Variants in TMEM132B observed in about 807,000 individuals in gnomAD.
TMEM132B encodes transmembrane protein 132B.
In TMEM132B, 18 loss-of-function variants were observed where a neutral mutation model predicts 90.8. The ratio of observed to expected loss-of-function variants is 0.20; its 90% CI spans 0.14 to 0.29. The LOEUF is 0.29. Among genes scored for constraint, TMEM132B ranks in the 10% least tolerant of loss-of-function variants. TMEM132B has a pLI of 1.00. For synonymous variants in TMEM132B, 504 were observed against 523.3 expected (o/e 0.96, Z 0.50); for missense variants, 1,096 against 1,326.8 (o/e 0.83, Z 2.70).
At chr12:125,623,357 G>T (rs1593028238) in intron 5 of TMEM132B, among the ~76,000 whole-genome samples, 1 of 152,086 alleles carries the variant, frequency 6.6e-6, no homozygotes, top group Non-Finnish European at 1.5e-5. Flanking sequence ...GCAACATTTT[G>T]GTAACACTTG....
At position 125,654,236 on chromosome 12, in the gene TMEM132B, G is replaced by T; in HGVS notation, c.2778G>T (p.Ala926=). 1 of 1,614,160 alleles carries T rather than the reference G, an allele frequency of 6.2e-7. No individual in the cohort carries two copies. Among genetic ancestry groups the T allele is most frequent in the Non-Finnish European group, 8.5e-7 (1 of 1,180,052 alleles). ...TGGTCTTCTTGATCAACTGCGTGGCGTTTGCCTGGAAATACAGACACAAAA... is the reference window on the plus strand; with the variant it reads ...TGGTCTTCTTGATCAACTGCGTGGCTTTTGCCTGGAAATACAGACACAAAA... ...AILVFLINCV[A]FAWKYRHKRF... The change falls in exon 9 of 9, where the codon GCG becomes GCT. Residue 926 remains alanine (A), a synonymous_variant. Coordinates refer to ENST00000682704, the MANE Select transcript of TMEM132B (RefSeq NM_001366854.1). The surrounding 1 kb of genome is among the most constrained non-coding windows in gnomAD (Gnocchi z 5.8).
intron 8 of TMEM132B, among the ~76,000 whole-genome samples, 156 bp downstream of exon 8, chr12:125,652,788 A>G (rs1179953772): frequency 6.6e-6 from 1 of 152,196 alleles, no homozygotes; most frequent in Non-Finnish European, 1.5e-5. Context: ...TCTCTGAGAA[A>G]AGTATTCAGT....
chr12:125,579,856 T>G (rs1450410011), intron 4 of TMEM132B, among the ~76,000 whole-genome samples: 2 of 152,210 alleles, frequency 1.3e-5, no homozygotes, highest in Non-Finnish European at 2.9e-5. Flanking sequence ...CATAAGTTTT[T>G]TTTCAAAGCT....
intron 1 of TMEM132B, among the ~76,000 whole-genome samples, chr12:125,323,436 A>AAAAAACAAAAAC (rs146613789): frequency 6.6e-5 from 10 of 150,828 alleles, no homozygotes; most frequent in Admixed American, 2.0e-4. Context: ...ACTCTGCCTC[A>AAAAAACAAAAAC]AAAAACAAAA....
chr12:125,563,601 A>ACAAACAAACAAAC (rs1555258802), intron 4 of TMEM132B, among the ~76,000 whole-genome samples: 2 of 148,446 alleles, frequency 1.3e-5, no homozygotes, highest in Non-Finnish European at 3.0e-5. Flanking sequence ...AAACAAACAA[A>ACAAACAAACAAAC]AAAAAACCCC....
In TMEM132B at chr12:125,374,433, T is replaced by TA. The variant is rs373590043; in HGVS notation, c.959+24090_959+24091insA. 6.5e-3 allele frequency among the ~76,000 whole-genome samples: 654 copies of TA among 99,938 alleles called. 6 individuals carry two copies. The highest frequency in any genetic ancestry group is 0.044 in the African/African-American group (609 of 13,836). 65.6% of individuals were successfully genotyped at this position (99,938 alleles called of 152,430 possible). A position where few individuals can be genotyped will look rare whatever the true frequency, so the allele number is the denominator to read the frequency against. ...TCAACTCAGCTCACCCACAAACATG[T>TA]TTTTTTTTGTTTTTCCTTTGTTTAG... On this transcript the variant is annotated intron_variant, in intron 2 of 8. Transcript: ENST00000682704.
At chr12:125,368,565 G>A (rs550010834) in intron 2 of TMEM132B, among the ~76,000 whole-genome samples, 2 of 152,060 alleles carry the variant, frequency 1.3e-5, no homozygotes, top group African/African-American at 2.4e-5. Flanking sequence ...GCATGGATTT[G>A]CCCAGTGGGA....
intron 2 of TMEM132B, among the ~76,000 whole-genome samples, chr12:125,385,865 T>A (rs933447272): frequency 6.6e-6 from 1 of 152,246 alleles, no homozygotes; most frequent in African/African-American, 2.4e-5. Context: ...TTGCACTGAC[T>A]AGATAGTTCT....
chr12:125,611,031 T>G (rs913293138), intron 5 of TMEM132B, among the ~76,000 whole-genome samples: 1 of 152,048 alleles, frequency 6.6e-6, no homozygotes, highest in Non-Finnish European at 1.5e-5. Flanking sequence ...TCTTTGTAGG[T>G]TTTTCTTCTT....
intron 1 of TMEM132B, among the ~76,000 whole-genome samples, chr12:125,306,112 C>G (rs1875952647): frequency 6.6e-6 from 1 of 152,242 alleles, no homozygotes; most frequent in African/African-American, 2.4e-5. Flanking sequence ...CTTTGGTTGG[C>G]TGCCTGGTCC....
At chr12:125,651,084 G>T in intron 7 of TMEM132B, 131 bp downstream of exon 7, 2 of 1,249,646 alleles carry the variant, frequency 1.6e-6, no homozygotes, top group Non-Finnish European at 2.2e-6. Flanking sequence ...CACTGTGCAT[G>T]TATTGCCTCT....
At chr12:125,598,062 A>G in intron 5 of TMEM132B, among the ~76,000 whole-genome samples, 1 of 152,338 alleles carries the variant, frequency 6.6e-6, no homozygotes, top group East Asian at 1.9e-4. Context: ...CATGAATTGT[A>G]CAAGTAAAGC....
intron 4 of TMEM132B, among the ~76,000 whole-genome samples, chr12:125,576,306 G>A (rs575435459): frequency 3.9e-5 from 6 of 152,014 alleles, no homozygotes; most frequent in African/African-American, 1.4e-4. Flanking sequence ...TTGAGTTTTA[G>A]ATTTTCATCT....
chr12:125,474,332 G>C (rs1881814346), intron 3 of TMEM132B, among the ~76,000 whole-genome samples: 2 of 112,890 alleles, frequency 1.8e-5, no homozygotes, highest in Admixed American at 1.4e-4. Context: ...GTCTTGTTCT[G>C]TTGCCCAGGC....
intron 5 of TMEM132B, among the ~76,000 whole-genome samples, chr12:125,619,908 T>G (rs1886080192): frequency 6.6e-6 from 1 of 152,204 alleles, no homozygotes; most frequent in Admixed American, 6.5e-5. Context: ...AAGCACCCTC[T>G]GTATGAGGAG....
rs543909525 is a variant in TMEM132B at position 125,657,008 on chromosome 12, C to T, written c.*2298C>T. On this transcript the variant is annotated 3_prime_UTR_variant, in exon 9 of 9. Coordinates refer to ENST00000682704, the MANE Select transcript of TMEM132B (RefSeq NM_001366854.1). ...AGGAGGTGAAGGAAATTATCCCTGC[C>T]ATGGGGAGTGTTATTCAGGAACATA... is the stretch of plus-strand genomic sequence containing the variant. The T allele has an allele frequency of 7.9e-5, 12 of 152,324 alleles. No homozygotes were observed. The highest frequency in any genetic ancestry group is 1.5e-4 in the Non-Finnish European group (10 of 68,060). The allele number at this position is 152,324 out of a possible 1,614,324, so 9.4% of individuals were successfully genotyped here. A position where few individuals can be genotyped will look rare whatever the true frequency, so the allele number is the denominator to read the frequency against.
At chr12:125,653,227 T>A (rs1886973020) in intron 8 of TMEM132B, among the ~76,000 whole-genome samples, 1 of 152,242 alleles carries the variant, frequency 6.6e-6, no homozygotes, top group Non-Finnish European at 1.5e-5. Flanking sequence ...AGCAGTAGCC[T>A]GATTTGTTGC....
intron 1 of TMEM132B, among the ~76,000 whole-genome samples, chr12:125,207,448 A>C (rs562691895): frequency 4.1e-4 from 63 of 152,268 alleles, no homozygotes; most frequent in African/African-American, 1.4e-3. Context: ...GTGCTATTGG[A>C]TACATTCTAC....
intron 3 of TMEM132B, among the ~76,000 whole-genome samples, chr12:125,452,943 G>A (rs937672906): frequency 1.3e-5 from 2 of 151,764 alleles, no homozygotes; most frequent in African/African-American, 2.4e-5. Flanking sequence ...TTTGCCTTAC[G>A]TTGTAAGTAT....
Sources: gnomAD v4.1 joint callset for allele counts (sites outside exome capture counted in the v4.1 genomes callset) on GRCh38, gnomAD v4.1.1 for gene constraint, Gnocchi (gnomAD v3.1) non-coding constraint, MANE v1.5 for transcripts, NCBI Gene and HGNC (gene_info 2026-07-23, HGNC 2026-07-21) for gene names.